ZNF341: variants seen among roughly 807,000 people sequenced by gnomAD.
The protein encoded by ZNF341 is zinc finger protein 341.
A neutral mutation model predicts 87.7 loss-of-function variants in ZNF341; 52 were observed. The ratio of observed to expected loss-of-function variants is 0.59; its 90% CI spans 0.47 to 0.75. The LOEUF (loss-of-function observed/expected upper bound fraction) is 0.75. Ranked by LOEUF, ZNF341 falls within the 30% of genes least tolerant of loss-of-function variation. ZNF341 has a pLI of 0.00. For missense variants in ZNF341, 977 were observed against 1,145.9 expected (o/e 0.85, Z 2.13); for synonymous variants, 459 against 472.7 (o/e 0.97, Z 0.38).
chr20:33,773,218 T>G (rs2019562716), intron 10 of ZNF341, among the ~76,000 whole-genome samples: 1 of 152,050 alleles, frequency 6.6e-6, no homozygotes, highest in South Asian at 2.1e-4. Flanking sequence ...CCCACCAGAG[T>G]AACAACATCA....
chr20:33,773,641 C>T (rs2019570406), intron 10 of ZNF341, among the ~76,000 whole-genome samples: 1 of 152,224 alleles, frequency 6.6e-6, no homozygotes, highest in African/African-American at 2.4e-5. Flanking sequence ...TAAGACAAGG[C>T]TGAGGCTCTT....
chr20:33,746,365 C>A (rs1375515555), intron 3 of ZNF341, among the ~76,000 whole-genome samples: 1 of 151,164 alleles, frequency 6.6e-6, no homozygotes, highest in Non-Finnish European at 1.5e-5. Flanking sequence ...TCCAGAGTAG[C>A]TGGGACTACA....
At chr20:33,776,152 C>T (rs1354179016) in intron 10 of ZNF341, among the ~76,000 whole-genome samples, 1 of 151,898 alleles carries the variant, frequency 6.6e-6, no homozygotes, top group Non-Finnish European at 1.5e-5. Flanking sequence ...GATCATGGCT[C>T]ACTGCAGCCT....
intron 8 of ZNF341, among the ~76,000 whole-genome samples, chr20:33,764,057 C>T (rs1158521338): frequency 1.4e-5 from 2 of 146,378 alleles, no homozygotes; most frequent in African/African-American, 5.0e-5. Context: ...CGGAGTCTCA[C>T]TCTGTTGCCC....
At chr20:33,741,561 G>A (rs1303781882) in intron 2 of ZNF341, among the ~76,000 whole-genome samples, 2 of 151,946 alleles carry the variant, frequency 1.3e-5, no homozygotes, top group African/African-American at 4.8e-5. Context: ...GCGCCACCAC[G>A]CCTGGCTAAT....
chr20:33,747,326 G>A (rs1228998319), intron 3 of ZNF341, among the ~76,000 whole-genome samples: 1 of 149,894 alleles, frequency 6.7e-6, no homozygotes, highest in Non-Finnish European at 1.5e-5. Context: ...GCATAAAACA[G>A]TCATTTTGGC....
chr20:33,777,151 CA>C (rs58139073), intron 10 of ZNF341, among the ~76,000 whole-genome samples: 2,095 of 42,982 alleles, frequency 0.049, 34 homozygotes, highest in African/African-American at 0.16. Flanking sequence ...CCGTCTTTAC[CA>C]AAAAAAAAAA....
intron 4 of ZNF341, among the ~76,000 whole-genome samples, chr20:33,751,178 G>C (rs745618408): frequency 6.6e-6 from 1 of 152,028 alleles, no homozygotes; most frequent in Non-Finnish European, 1.5e-5. Context: ...GCTGTTTTTT[G>C]CTTTTATGAA....
intron 13 of ZNF341, 67 bp downstream of exon 13, chr20:33,789,041 G>A: frequency 7.9e-7 from 1 of 1,267,170 alleles, no homozygotes; most frequent in Non-Finnish European, 1.1e-6. Flanking sequence ...CTGCTGGGGA[G>A]GGTGGGACAG....
At chr20:33,790,769 A>C (rs886155754) in intron 14 of ZNF341, among the ~76,000 whole-genome samples, 10 of 152,192 alleles carry the variant, frequency 6.6e-5, no homozygotes, top group Non-Finnish European at 1.3e-4. Flanking sequence ...TGGCAAGTAC[A>C]AAGGCGCAGA....
intron 8 of ZNF341, among the ~76,000 whole-genome samples, chr20:33,763,353 C>T (rs1466730361): frequency 2.0e-5 from 3 of 152,098 alleles, no homozygotes; most frequent in African/African-American, 4.8e-5. Flanking sequence ...CAAGCTGGAG[C>T]GCAGTAGTGC....
chr20:33,740,793 C>A (rs2018781815), intron 1 of ZNF341, 109 bp from the exon 2 acceptor site: 2 of 910,566 alleles, frequency 2.2e-6, no homozygotes, highest in Middle Eastern at 2.8e-4. Context: ...CAGGTCTGAG[C>A]CACCGTACCC....
At chr20:33,734,349 T>C (rs1335035034) in intron 1 of ZNF341, among the ~76,000 whole-genome samples, 2 of 152,064 alleles carry the variant, frequency 1.3e-5, no homozygotes, top group Non-Finnish European at 2.9e-5. Context: ...CACAATGTGA[T>C]GTATGTTTTA....
intron 8 of ZNF341, among the ~76,000 whole-genome samples, chr20:33,763,436 A>G (rs2019336546): frequency 1.3e-5 from 2 of 152,022 alleles, no homozygotes; most frequent in South Asian, 4.2e-4. Flanking sequence ...GTAGCTGGGA[A>G]TACAGGTGCC....
rs111418329 is a variant in ZNF341 at position 33,759,535 on chromosome 20, C to T, written c.1028+729C>T. On this transcript the variant is annotated intron_variant, in intron 7 of 14. Coordinates refer to ENST00000375200, the MANE Select transcript of ZNF341 (RefSeq NM_001282933.2). ...CCAACCTCAGGTGATCCACCCGCCT[C>T]GGCCTCCCAAAGTACTGGAATTACA... 2.1e-3 allele frequency among the ~76,000 whole-genome samples: 315 copies of T among 152,242 alleles called. 1 individual carries two copies. Among genetic ancestry groups the T allele is most frequent in the Middle Eastern group, 0.01 (3 of 294 alleles).
At chr20:33,765,438 G>T (rs1458293491) in intron 8 of ZNF341, among the ~76,000 whole-genome samples, 2 of 151,246 alleles carry the variant, frequency 1.3e-5, no homozygotes, top group African/African-American at 4.9e-5. Context: ...GAGTGCAATG[G>T]CATGATGGTG....
chr20:33,764,543 G>GTGTATATATATATATATATA (rs1332743148), intron 8 of ZNF341, among the ~76,000 whole-genome samples: 15 of 69,336 alleles, frequency 2.2e-4, no homozygotes, highest in Non-Finnish European at 2.4e-4. Context: ...GTGTGTATGT[G>GTGTATATATATATATATATA]TATATATATA....
intron 10 of ZNF341, among the ~76,000 whole-genome samples, chr20:33,779,822 G>A (rs1276076667): frequency 6.6e-6 from 1 of 152,110 alleles, no homozygotes; most frequent in Non-Finnish European, 1.5e-5. Context: ...GAATGAGGAG[G>A]CCCAGCAGGT....
At chr20:33,753,056 C>T (rs983284437) in intron 4 of ZNF341, 116 bp from the exon 5 acceptor site, 3 of 1,453,006 alleles carry the variant, frequency 2.1e-6, no homozygotes, top group African/African-American at 2.8e-5. Context: ...CTCTCCTGAG[C>T]TGTCTGGTAA....
Sources: allele counts gnomAD v4.1 joint callset (sites outside exome capture counted in the v4.1 genomes callset), GRCh38; gene constraint gnomAD v4.1.1; transcripts MANE v1.5; gene names NCBI Gene and HGNC (gene_info 2026-07-23, HGNC 2026-07-21).